The following CCDC192 variants were observed in gnomAD, a reference collection of about 807,000 sequenced individuals.
The protein encoded by CCDC192 is coiled-coil domain-containing protein 192.
chr5:127,868,590 C>T (rs1457184729), intron 5 of CCDC192, among the ~76,000 whole-genome samples: 1 of 152,128 alleles, frequency 6.6e-6, no homozygotes, highest in African/African-American at 2.4e-5. Context: ...TTTATAGAAT[C>T]TGAAATGCCT....
intron 5 of CCDC192, among the ~76,000 whole-genome samples, chr5:127,828,826 A>G (rs1379823302): frequency 6.6e-6 from 1 of 152,194 alleles, no homozygotes; most frequent in African/African-American, 2.4e-5. Context: ...CTTGGAACAG[A>G]AAGTTGTCCA....
intron 6 of CCDC192, among the ~76,000 whole-genome samples, chr5:127,940,118 T>C (rs952956195): frequency 1.3e-5 from 2 of 152,228 alleles, no homozygotes; most frequent in African/African-American, 4.8e-5. Flanking sequence ...AAGGACTCCT[T>C]ATGGCCACTC....
At chr5:127,814,664 G>A (rs375236936) in intron 5 of CCDC192, among the ~76,000 whole-genome samples, 1 of 152,212 alleles carries the variant, frequency 6.6e-6, no homozygotes, top group Non-Finnish European at 1.5e-5. Context: ...CCAAAACTGT[G>A]TTGCCCGAGG....
chr5:127,934,654 CA>C (rs1010172125), intron 6 of CCDC192, among the ~76,000 whole-genome samples: 42 of 151,894 alleles, frequency 2.8e-4, no homozygotes, highest in African/African-American at 8.7e-4. Context: ...TACTACAATA[CA>C]AAAAAAATAA....
At chr5:127,796,929 T>A (rs937262958) in intron 3 of CCDC192, among the ~76,000 whole-genome samples, 174 bp from the exon 4 acceptor site, 7 of 152,230 alleles carry the variant, frequency 4.6e-5, no homozygotes, top group African/African-American at 1.7e-4. Flanking sequence ...ATAAATAAAA[T>A]CAATTTTTCC....
At position 127,918,216 on chromosome 5, in the gene CCDC192, T is replaced by TAAAAAAAAAAAAAAAAAA. The variant is rs1219307107; in HGVS notation, c.536-22964_536-22947dup. 6.7e-4 allele frequency among the ~76,000 whole-genome samples: 67 copies of TAAAAAAAAAAAAAAAAAA among 100,366 alleles called. 2 individuals carry two copies. The highest frequency in any genetic ancestry group is 2.8e-3 in the African/African-American group (63 of 22,130). The allele number at this position is 100,366 out of a possible 152,430, so 65.8% of individuals were successfully genotyped here. Reference sequence around the variant, plus strand: ...AGGGTTGCCAGACACCTTCAATTTGTAAAAAAAAAAAAAAAAAAAGTAGTA... The same window carrying TAAAAAAAAAAAAAAAAAA: ...AGGGTTGCCAGACACCTTCAATTTGTAAAAAAAAAAAAAAAAAAAAAAAAAAAAAAAAAAAAAGTAGTA... On this transcript the variant is annotated intron_variant, in intron 6 of 6. Coordinates refer to ENST00000514853, the MANE Select transcript of CCDC192 (RefSeq NM_001317938.2).
At chr5:127,833,663 CA>C (rs1279184306) in intron 5 of CCDC192, among the ~76,000 whole-genome samples, 4 of 152,246 alleles carry the variant, frequency 2.6e-5, no homozygotes, top group Non-Finnish European at 5.9e-5. Context: ...TATTTCTTTG[CA>C]GATGACCTGT....
At chr5:127,783,606 G>A (rs1756368219) in intron 3 of CCDC192, among the ~76,000 whole-genome samples, 1 of 152,166 alleles carries the variant, frequency 6.6e-6, no homozygotes, top group Non-Finnish European at 1.5e-5. Context: ...TGGTCGTTGG[G>A]TGGAATTTTG....
chr5:127,751,347 A>T (rs967034509), intron 2 of CCDC192, among the ~76,000 whole-genome samples: 6 of 151,754 alleles, frequency 4.0e-5, no homozygotes, highest in African/African-American at 1.2e-4. Flanking sequence ...TTGTCTGTAA[A>T]GTATTTTATT....
intron 5 of CCDC192, among the ~76,000 whole-genome samples, chr5:127,806,213 G>A (rs2126989319): frequency 6.6e-6 from 1 of 152,226 alleles, no homozygotes; most frequent in African/African-American, 2.4e-5. Flanking sequence ...TTAGTTGTTG[G>A]CTTTACTAGT....
At chr5:127,754,488 C>CACAT in intron 3 of CCDC192, 113 bp downstream of exon 3, 1 of 357,852 alleles carries the variant, frequency 2.8e-6, no homozygotes, top group African/African-American at 2.7e-5. Context: ...CACACACACA[C>CACAT]ACACATACAC....
At chr5:127,828,902 A>G (rs543284529) in intron 5 of CCDC192, among the ~76,000 whole-genome samples, 56 of 152,332 alleles carry the variant, frequency 3.7e-4, no homozygotes, top group Non-Finnish European at 1.5e-4. Flanking sequence ...TTTTAGATAT[A>G]GTCAGATTTA....
Position 127,733,155 on chromosome 5 carries a change from T to C in CCDC192, c.115-21113T>C, listed in dbSNP as rs202194735. On this transcript the variant is annotated intron_variant, in intron 2 of 6. Coordinates refer to ENST00000514853, the MANE Select transcript of CCDC192 (RefSeq NM_001317938.2). ...TTTGCTCTTAGTTTATGCATAACTATGTGCATTTTCTAACAAGGAGTAACC... is the reference window on the plus strand; with the variant it reads ...TTTGCTCTTAGTTTATGCATAACTACGTGCATTTTCTAACAAGGAGTAACC... Among the ~76,000 whole-genome samples the C allele has an allele frequency of 2.6e-5, 4 of 152,306 alleles. No individual in the cohort carries two copies. The East Asian group carries it at 5.8e-4, about 22-fold the overall frequency.
chr5:127,848,977 C>G (rs1750682423), intron 5 of CCDC192, among the ~76,000 whole-genome samples: 1 of 152,036 alleles, frequency 6.6e-6, no homozygotes, highest in African/African-American at 2.4e-5. Flanking sequence ...TACCTGTAAT[C>G]CCAGCATTTT....
At chr5:127,765,370 G>C (rs949325480) in intron 3 of CCDC192, among the ~76,000 whole-genome samples, 2 of 152,034 alleles carry the variant, frequency 1.3e-5, no homozygotes, top group Admixed American at 1.3e-4. Context: ...GTTTAGTTTT[G>C]AAAGAGTTAT....
chr5:127,802,296 C>G (rs1325304106), intron 5 of CCDC192, among the ~76,000 whole-genome samples: 1 of 152,146 alleles, frequency 6.6e-6, no homozygotes, highest in Non-Finnish European at 1.5e-5. Flanking sequence ...TTATTCTGAT[C>G]ATGTCATTTC....
chr5:127,765,889 T>C (rs1416493311), intron 3 of CCDC192, among the ~76,000 whole-genome samples: 1 of 152,172 alleles, frequency 6.6e-6, no homozygotes, highest in Non-Finnish European at 1.5e-5. Context: ...TTGTCCATAT[T>C]ATGGAGACTC....
At chr5:127,797,608 T>C (rs1757229034) in intron 4 of CCDC192, among the ~76,000 whole-genome samples, 1 of 151,288 alleles carries the variant, frequency 6.6e-6, no homozygotes, top group South Asian at 2.1e-4. Flanking sequence ...AATCAATTAC[T>C]TTATAAGAAA....
At chr5:127,734,768 G>A (rs1386669383) in intron 2 of CCDC192, among the ~76,000 whole-genome samples, 1 of 150,790 alleles carries the variant, frequency 6.6e-6, no homozygotes, top group African/African-American at 2.5e-5. Context: ...ACTTTTTGAT[G>A]GGGTTGTTTG....
Sources: allele counts gnomAD v4.1 joint callset (sites outside exome capture counted in the v4.1 genomes callset), GRCh38; gene constraint gnomAD v4.1.1; transcripts MANE v1.5; gene names NCBI Gene and HGNC (gene_info 2026-07-23, HGNC 2026-07-21).